KDM4A: variants seen among roughly 807,000 people sequenced by gnomAD.
The protein encoded by KDM4A is lysine-specific demethylase 4A.
KDM4A carries 23 observed loss-of-function variants against 127.1 expected under a neutral mutation model. The ratio of observed to expected loss-of-function variants is 0.18; its 90% CI spans 0.13 to 0.26. The LOEUF is 0.26. Ranked by LOEUF, KDM4A falls within the 10% of genes least tolerant of loss-of-function variation. The pLI is 1.00. For missense variants in KDM4A, 890 were observed against 1,329.1 expected (o/e 0.67, Z 5.14); for synonymous variants, 443 against 466.5 (o/e 0.95, Z 0.65).
intron 2 of KDM4A, 143 bp from the exon 3 acceptor site, chr1:43,655,448 C>T (rs921811812): frequency 4.4e-6 from 3 of 685,794 alleles, no homozygotes; most frequent in African/African-American, 3.6e-5. Flanking sequence ...CTGTGACTTA[C>T]TGTGTTTTGG....
intron 3 of KDM4A, among the ~76,000 whole-genome samples, chr1:43,656,329 GTTTTTTTT>G (rs11438925): frequency 1.8e-5 from 1 of 54,154 alleles, no homozygotes; most frequent in Non-Finnish European, 3.3e-5. Flanking sequence ...TCTGCTGTTG[GTTTTTTTT>G]TTTTTTTTTT....
At position 43,668,294 on chromosome 1, in the gene KDM4A, T is replaced by G. The variant is rs182587348; in HGVS notation, c.1163+275T>G. Among the ~76,000 whole-genome samples the G allele has an allele frequency of 7.9e-4, 120 of 151,994 alleles. 1 individual carries two copies. Among genetic ancestry groups the G allele is most frequent in the Admixed American group, 7.0e-3 (107 of 15,274 alleles). Reference sequence around the variant, plus strand: ...GCACCTACAGCCACGCCTGGCTAATTTTTTGTATTTTTAGTAGAGACAGGG... The same window carrying G: ...GCACCTACAGCCACGCCTGGCTAATGTTTTGTATTTTTAGTAGAGACAGGG... On this transcript the variant is annotated intron_variant, in intron 9 of 21. Transcript: ENST00000372396.
At chr1:43,702,726 T>C (rs1661431581) in intron 19 of KDM4A, 2 of 152,130 alleles carry the variant, frequency 1.3e-5, no homozygotes, top group South Asian at 4.1e-4. Flanking sequence ...TTTTTCATCT[T>C]TCCTGTTAAG....
At position 43,704,784 on chromosome 1, in the gene KDM4A, TGC is replaced by T. The variant is rs201906596; in HGVS notation, c.*416_*417del. On this transcript the variant is annotated 3_prime_UTR_variant, in exon 22 of 22. Transcript: ENST00000372396. ...TTGTATTTATATGTGTGTGTGTGTG[TGC>T]GTGCGTGCGTGCGTGCGTGTATGTT... The T allele has an allele frequency of 9.7e-4, 168 of 172,318 alleles. No individual in the cohort carries two copies. Among genetic ancestry groups the T allele is most frequent in the African/African-American group, 2.7e-3 (102 of 37,482 alleles). The allele number at this position is 172,318 out of a possible 1,614,324, so 10.7% of individuals were successfully genotyped here.
At chr1:43,672,104 T>C (rs144128173) in intron 11 of KDM4A, among the ~76,000 whole-genome samples, 1 of 152,204 alleles carries the variant, frequency 6.6e-6, no homozygotes, top group Non-Finnish European at 1.5e-5. Flanking sequence ...TTTTCTGTTA[T>C]CCCTGTGGCT....
rs150575352 is a variant in KDM4A, at chr1:43,668,367, C to T, written c.1163+348C>T. Among the ~76,000 whole-genome samples, 997 of 152,222 alleles carry T rather than the reference C, an allele frequency of 6.5e-3. 8 individuals are homozygous for T. The highest frequency in any genetic ancestry group is 0.023 in the African/African-American group (950 of 41,516). The stretch of plus-strand genomic sequence containing the variant: ...GTCTCGATCTCCTGACCTCGTGATC[C>T]GCCCACCTCGGCCTCCCAAAGTGCT... On this transcript the variant is annotated intron_variant, in intron 9 of 21. Coordinates refer to ENST00000372396, the MANE Select transcript of KDM4A (RefSeq NM_014663.3).
At chr1:43,691,980 G>A (rs1207471245) in intron 15 of KDM4A, among the ~76,000 whole-genome samples, 1 of 152,200 alleles carries the variant, frequency 6.6e-6, no homozygotes, top group East Asian at 1.9e-4. Flanking sequence ...TCTAGTTTGA[G>A]CAAAGTATCT....
At chr1:43,663,588 CCT>C (rs1017726786) in intron 5 of KDM4A, among the ~76,000 whole-genome samples, 3 of 152,006 alleles carry the variant, frequency 2.0e-5, no homozygotes, top group Admixed American at 1.3e-4. Context: ...GGTTCTCTCT[CCT>C]CTCTCTGTGC....
At chr1:43,686,190 A>T (rs1570858924) in intron 12 of KDM4A, among the ~76,000 whole-genome samples, 2 of 103,174 alleles carry the variant, frequency 1.9e-5, no homozygotes, top group South Asian at 3.1e-4. Flanking sequence ...AGTCTCACTT[A>T]CTCTGTTGCC....
chr1:43,670,449 C>G (rs529135618), intron 10 of KDM4A, among the ~76,000 whole-genome samples: 1 of 152,156 alleles, frequency 6.6e-6, no homozygotes, highest in Non-Finnish European at 1.5e-5. Flanking sequence ...GTTGCCCAAG[C>G]CTTTGTGAAC....
rs1165239225 is a variant in KDM4A, at chr1:43,704,942, T to C, written c.*572T>C. 6.4e-6 allele frequency: 1 copy of C among 155,888 alleles called. No homozygotes were observed. Among genetic ancestry groups the C allele is most frequent in the Non-Finnish European group, 1.4e-5 (1 of 70,518 alleles). 9.7% of individuals were successfully genotyped at this position (155,888 alleles called of 1,614,324 possible). A position where few individuals can be genotyped will look rare whatever the true frequency, so the allele number is the denominator to read the frequency against. ...CCTGGGGGTTGGCTGGAGATGGGTG[T>C]GGCATCTGTCCAGGCCTGGAACCGT... is the stretch of plus-strand genomic sequence containing the variant. On this transcript the variant is annotated 3_prime_UTR_variant, in exon 22 of 22. Transcript: ENST00000372396.
At position 43,666,100 on chromosome 1, in the gene KDM4A, G is replaced by A. The variant is rs184034076; in HGVS notation, c.674-352G>A. Among the ~76,000 whole-genome samples the A allele has an allele frequency of 3.9e-5, 6 of 152,314 alleles. No homozygotes were observed. The East Asian group carries it at 9.6e-4, about 24-fold the overall frequency. On this transcript the variant is annotated intron_variant, in intron 6 of 21. Transcript: ENST00000372396. ...AGATTTGTATGTCTGGAGAACATAGGAAAGCCTGGGTAGATGATACTACAG... is the reference window on the plus strand; with the variant it reads ...AGATTTGTATGTCTGGAGAACATAGAAAAGCCTGGGTAGATGATACTACAG...
chr1:43,658,782 G>A (rs1320117199), intron 3 of KDM4A, among the ~76,000 whole-genome samples: 1 of 151,920 alleles, frequency 6.6e-6, no homozygotes, highest in African/African-American at 2.4e-5. Flanking sequence ...GATTACAGGC[G>A]TGAGCCATTG....
At chr1:43,683,885 C>A in intron 12 of KDM4A, 81 bp downstream of exon 12, 1 of 1,536,044 alleles carries the variant, frequency 6.5e-7, no homozygotes, top group Non-Finnish European at 8.9e-7. Context: ...GAAGGCCAAG[C>A]TGAGGGATAA....
At chr1:43,670,258 T>C (rs1660587868) in intron 10 of KDM4A, among the ~76,000 whole-genome samples, 1 of 152,194 alleles carries the variant, frequency 6.6e-6, no homozygotes, top group South Asian at 2.1e-4. Context: ...AAAGATGTGG[T>C]CTGCCGACAG....
rs1660621785 is a variant in KDM4A, at chr1:43,671,679, G to T, written c.1538G>T (p.Gly513Val). The stretch of plus-strand genomic sequence containing the variant: ...AAAAAGAAATCATCTTCTAGCCTGG[G>T]CTCTGGCTCTTCACGGGATTCTATC... Reference protein sequence around the residue: ...GSKKKSSSSLGSGSSRDSISS... With the variant: ...GSKKKSSSSLVSGSSRDSISS... Residue 513 changes from glycine (G) to valine (V), a missense_variant, in exon 11 of 22, where the codon GGC becomes GTC. Gly to Val is a moderately radical substitution (Grantham distance 109). Around this residue, in one of 7 missense-constraint regions of KDM4A, gnomAD observed 389 missense variants for 485.9 expected, o/e 0.80. Transcript: ENST00000372396. 1 of 1,613,148 alleles carries T rather than the reference G, an allele frequency of 6.2e-7. No individual in the cohort carries two copies. Among genetic ancestry groups the T allele is most frequent in the Non-Finnish European group, 8.5e-7 (1 of 1,179,726 alleles).
chr1:43,692,355 C>T (rs369881523), intron 16 of KDM4A, 44 bp downstream of exon 16: 59 of 1,529,812 alleles, frequency 3.9e-5, no homozygotes, highest in African/African-American at 1.2e-4. Flanking sequence ...GGCTCAGTTC[C>T]GAAGCACACA....
chr1:43,690,273 T>C (rs958274746), intron 13 of KDM4A, among the ~76,000 whole-genome samples: 1 of 151,756 alleles, frequency 6.6e-6, no homozygotes, highest in Non-Finnish European at 1.5e-5. Flanking sequence ...CACCGCACAG[T>C]GTAGCACGTA....
At chr1:43,686,827 A>G (rs1375313003) in intron 12 of KDM4A, among the ~76,000 whole-genome samples, 1 of 152,226 alleles carries the variant, frequency 6.6e-6, no homozygotes, top group Non-Finnish European at 1.5e-5. Context: ...CAAGCATAAC[A>G]ATTCAGTGAT....
Sources: allele counts gnomAD v4.1 joint callset (sites outside exome capture counted in the v4.1 genomes callset), GRCh38; gene constraint gnomAD v4.1.1; regional missense constraint gnomAD v4.1.1; transcripts MANE v1.5; gene names NCBI Gene and HGNC (gene_info 2026-07-23, HGNC 2026-07-21).